The following KLHL29 variants were observed in gnomAD, a reference collection of about 807,000 sequenced individuals.
KLHL29 encodes kelch like family member 29, also known as kelch-like protein 29.
In KLHL29, 21 loss-of-function variants were observed where a neutral mutation model predicts 80.4. The observed-to-expected ratio is 0.26, with a 90% CI of 0.19 to 0.38. The LOEUF (loss-of-function observed/expected upper bound fraction) is 0.38, where lower values mean the gene tolerates loss of function less well. Ranked by LOEUF, KLHL29 falls within the 10% of genes least tolerant of loss-of-function variation. KLHL29 has a pLI of 1.00. For synonymous variants in KLHL29, 511 were observed against 526.8 expected (o/e 0.97, Z 0.41); for missense variants, 867 against 1,223.9 (o/e 0.71, Z 4.35).
Position 23,409,921 on chromosome 2 carries a change from G to A in KLHL29, c.-154+24141G>A, listed in dbSNP as rs536350237. ...AGAAATGATAAGCTTAGCATTTAAAGGGAGGGTGAGCTGGGGAAGGAGCAG... is the reference window on the plus strand; with the variant it reads ...AGAAATGATAAGCTTAGCATTTAAAAGGAGGGTGAGCTGGGGAAGGAGCAG... On this transcript the variant is annotated intron_variant, in intron 1 of 13. Transcript: ENST00000486442. Among the ~76,000 whole-genome samples the A allele has an allele frequency of 3.3e-5, 5 of 152,364 alleles. No homozygotes were observed. The South Asian group carries it at 1.0e-3, about 32-fold the overall frequency.
chr2:23,465,086 A>G (rs1405707019), intron 1 of KLHL29, among the ~76,000 whole-genome samples: 1 of 152,178 alleles, frequency 6.6e-6, no homozygotes, highest in African/African-American at 2.4e-5. Context: ...CAGATAGTAG[A>G]TGATCCCATT....
At chr2:23,452,932 C>T (rs1572329909) in intron 1 of KLHL29, among the ~76,000 whole-genome samples, 1 of 151,984 alleles carries the variant, frequency 6.6e-6, no homozygotes, top group East Asian at 1.9e-4. Context: ...ACACACATCC[C>T]CCAGCACTTG....
intron 3 of KLHL29, among the ~76,000 whole-genome samples, chr2:23,576,174 T>C (rs764214074): frequency 2.6e-5 from 4 of 152,060 alleles, no homozygotes; most frequent in Non-Finnish European, 5.9e-5. Context: ...GCGTGGTGGC[T>C]GGCACCTGTA....
chr2:23,405,045 G>T (rs947161567), intron 1 of KLHL29, among the ~76,000 whole-genome samples: 3 of 151,988 alleles, frequency 2.0e-5, no homozygotes, highest in Non-Finnish European at 2.9e-5. Flanking sequence ...AGGAAGACTT[G>T]GCATAAAAAA....
At chr2:23,466,585 C>G (rs1004782206) in intron 1 of KLHL29, among the ~76,000 whole-genome samples, 1 of 152,078 alleles carries the variant, frequency 6.6e-6, no homozygotes, top group Non-Finnish European at 1.5e-5. Context: ...TGTGTGGGCC[C>G]GAGATGGAGA....
At chr2:23,608,969 G>A (rs1353753846) in intron 3 of KLHL29, among the ~76,000 whole-genome samples, 1 of 152,178 alleles carries the variant, frequency 6.6e-6, no homozygotes, top group Non-Finnish European at 1.5e-5. Flanking sequence ...CTCAGAATGG[G>A]AATAGGATAA....
At chr2:23,555,803 G>A (rs571745503) in intron 2 of KLHL29, among the ~76,000 whole-genome samples, 13 of 152,330 alleles carry the variant, frequency 8.5e-5, no homozygotes, top group East Asian at 3.9e-4. Flanking sequence ...ACACCCCAGC[G>A]CTGGCCTCTG....
chr2:23,403,899 G>A (rs1204159561), intron 1 of KLHL29, among the ~76,000 whole-genome samples: 1 of 152,046 alleles, frequency 6.6e-6, no homozygotes, highest in Non-Finnish European at 1.5e-5. Context: ...AGAGGTGGGG[G>A]GTAGCTGTGG....
chr2:23,478,711 T>C (rs949497575), intron 2 of KLHL29, among the ~76,000 whole-genome samples: 2 of 152,104 alleles, frequency 1.3e-5, no homozygotes, highest in Non-Finnish European at 2.9e-5. Flanking sequence ...TCGTCACTGG[T>C]GCTGGAGCCA....
intron 2 of KLHL29, among the ~76,000 whole-genome samples, chr2:23,531,639 A>T (rs1046560569): frequency 6.6e-6 from 1 of 152,216 alleles, no homozygotes; most frequent in African/African-American, 2.4e-5. Flanking sequence ...GATTGACTGC[A>T]GTTAGTGACA....
At chr2:23,509,498 T>C (rs1041389677) in intron 2 of KLHL29, among the ~76,000 whole-genome samples, 3 of 152,156 alleles carry the variant, frequency 2.0e-5, no homozygotes, top group African/African-American at 7.2e-5. Flanking sequence ...CACTCCCTCC[T>C]CTTTAAGGTC....
At chr2:23,434,858 G>C (rs1194889654) in intron 1 of KLHL29, among the ~76,000 whole-genome samples, 1 of 152,180 alleles carries the variant, frequency 6.6e-6, no homozygotes, top group Non-Finnish European at 1.5e-5. Context: ...TCGTGTGGTC[G>C]AGGCAGGCTG....
At chr2:23,666,075 A>G (rs1293601492) in intron 5 of KLHL29, among the ~76,000 whole-genome samples, 2 of 152,218 alleles carry the variant, frequency 1.3e-5, no homozygotes, top group African/African-American at 4.8e-5. Context: ...ATATTGAGGC[A>G]TAGGTGTTGT....
At chr2:23,634,820 A>T (rs1393536115) in intron 3 of KLHL29, among the ~76,000 whole-genome samples, 1 of 151,992 alleles carries the variant, frequency 6.6e-6, no homozygotes, top group African/African-American at 2.4e-5. Context: ...CTGCTCTGTG[A>T]CTCGTGTCAT....
Position 23,562,104 on chromosome 2 carries a change from T to A in KLHL29, c.-45-48T>A. 6.9e-7 allele frequency: 1 copy of A among 1,457,266 alleles called. No individual in the cohort carries two copies. The highest frequency in any genetic ancestry group is 1.4e-5 in the African/African-American group (1 of 70,904). 90.3% of individuals were successfully genotyped at this position (1,457,266 alleles called of 1,614,324 possible). On this transcript the variant is annotated intron_variant, in intron 2 of 13. Transcript: ENST00000486442. The surrounding 1 kb of genome is among the most constrained non-coding windows in gnomAD (Gnocchi z 4.5). ...CTTCATGGATGCTGTCAGTTGTCGC[T>A]GCCTGCTCCAGTCCTAAATCACCCT...
chr2:23,553,701 C>T (rs572600396), intron 2 of KLHL29, among the ~76,000 whole-genome samples: 4 of 152,328 alleles, frequency 2.6e-5, no homozygotes, highest in South Asian at 4.1e-4. Context: ...TTTGGCCCCA[C>T]CTGTCACTCT....
chr2:23,611,268 C>T (rs934865231), intron 3 of KLHL29, among the ~76,000 whole-genome samples: 5 of 152,150 alleles, frequency 3.3e-5, no homozygotes, highest in Non-Finnish European at 5.9e-5. Context: ...GAGTATTTGG[C>T]AGTTCTTAAG....
chr2:23,547,646 G>A (rs1336588864), intron 2 of KLHL29, among the ~76,000 whole-genome samples: 2 of 151,840 alleles, frequency 1.3e-5, no homozygotes, highest in Admixed American at 6.6e-5. Flanking sequence ...GATAGACATC[G>A]TGCCCAAAAG....
chr2:23,473,073 A>T (rs904309578), intron 1 of KLHL29, among the ~76,000 whole-genome samples: 1 of 152,024 alleles, frequency 6.6e-6, no homozygotes, highest in Non-Finnish European at 1.5e-5. Flanking sequence ...AGGAGCTATT[A>T]CAGGAATCCA....
Sources: allele counts gnomAD v4.1 joint callset (sites outside exome capture counted in the v4.1 genomes callset), GRCh38; gene constraint gnomAD v4.1.1; non-coding constraint Gnocchi (gnomAD v3.1); transcripts MANE v1.5; gene names NCBI Gene and HGNC (gene_info 2026-07-23, HGNC 2026-07-21).